The following ANKRD27 variants were observed in gnomAD, a reference collection of about 807,000 sequenced individuals.
ANKRD27 encodes ankyrin repeat domain 27.
A neutral mutation model predicts 129.7 loss-of-function variants in ANKRD27; 112 were observed. The ratio of observed to expected loss-of-function variants is 0.86; its 90% CI spans 0.74 to 1.01. The LOEUF (loss-of-function observed/expected upper bound fraction) is 1.01. ANKRD27 is among the 50% of genes least tolerant of loss of function. ANKRD27 has a pLI of 0.00. For missense variants in ANKRD27, 1,258 were observed against 1,300.5 expected, an observed-to-expected ratio of 0.97 and a Z score of 0.50; for synonymous variants, 516 against 511.2, an observed-to-expected ratio of 1.01 and a Z score of -0.13.
intron 27 of ANKRD27, 53 bp downstream of exon 27, chr19:32,599,919 T>G (rs1971625889): frequency 2.6e-6 from 4 of 1,548,030 alleles, no homozygotes; most frequent in Non-Finnish European, 3.6e-6. Context: ...TACGTGCAGC[T>G]TGGAGTAAAC....
chr19:32,601,079 A>T (rs1255845143), intron 26 of ANKRD27, among the ~76,000 whole-genome samples: 1 of 152,100 alleles, frequency 6.6e-6, no homozygotes, highest in East Asian at 1.9e-4. Context: ...AGGGCGGATC[A>T]CTTGAGGTCA....
intron 2 of ANKRD27, among the ~76,000 whole-genome samples, chr19:32,653,260 G>A (rs1327850938): frequency 2.6e-5 from 4 of 152,310 alleles, no homozygotes; most frequent in Admixed American, 2.6e-4. Flanking sequence ...TCGGATGAAA[G>A]TTAGTTCCTG....
intron 26 of ANKRD27, among the ~76,000 whole-genome samples, chr19:32,600,956 C>T (rs1971642684): frequency 6.6e-6 from 1 of 152,062 alleles, no homozygotes. Context: ...TGCTGTTCGG[C>T]AACTGCTGTT....
In ANKRD27 at chr19:32,628,704, C is replaced by T; in HGVS notation, c.1337+18G>A. On this transcript the variant is annotated intron_variant, in intron 14 of 28. Transcript: ENST00000306065. ...TCCTGCTTCCTGGCACTCTGAGCCT[C>T]CACCAGCACCCTCTTACCCAGAGAC... 6.2e-7 allele frequency: 1 copy of T among 1,613,458 alleles called. No homozygotes were observed. Among genetic ancestry groups the T allele is most frequent in the South Asian group, 1.1e-5 (1 of 91,052 alleles).
At chr19:32,673,366 G>A in intron 1 of ANKRD27, 2 of 985,286 alleles carry the variant, frequency 2.0e-6, no homozygotes, top group African/African-American at 1.7e-5. Flanking sequence ...TCCTGGATCT[G>A]CCCCCTGGAT....
intron 21 of ANKRD27, among the ~76,000 whole-genome samples, chr19:32,617,186 G>A (rs1394113226): frequency 6.6e-6 from 1 of 152,130 alleles, no homozygotes; most frequent in Non-Finnish European, 1.5e-5. Context: ...GCCCGAAACT[G>A]AACCGGAGAC....
At chr19:32,663,744 T>A (rs1191993887) in intron 1 of ANKRD27, among the ~76,000 whole-genome samples, 1 of 152,070 alleles carries the variant, frequency 6.6e-6, no homozygotes. Context: ...CATTTTAAAT[T>A]TTCTAGTAGC....
intron 13 of ANKRD27, among the ~76,000 whole-genome samples, chr19:32,629,844 CT>C (rs548494616): frequency 0.067 from 7,022 of 105,062 alleles, 456 homozygotes; most frequent in African/African-American, 0.2. Context: ...CTCTTGTGTT[CT>C]TTTTTTTTTT....
Position 32,635,814 on chromosome 19 carries a change from G to T in ANKRD27, c.1116+3542C>A, listed in dbSNP as rs1475091307. Among the ~76,000 whole-genome samples the T allele has an allele frequency of 2.6e-5, 4 of 152,152 alleles. No individual in the cohort carries two copies. In the South Asian group the frequency reaches 6.2e-4, roughly 24 times the overall value. On this transcript the variant is annotated intron_variant, in intron 12 of 28. Transcript: ENST00000306065. ...ACAAGTACCTGAATACTGTCAACGA[G>T]TACAGCGAGATCATGATCTAAAATT... is the stretch of plus-strand genomic sequence containing the variant.
At chr19:32,661,111 G>C (rs1967635374) in intron 1 of ANKRD27, among the ~76,000 whole-genome samples, 1 of 150,952 alleles carries the variant, frequency 6.6e-6, no homozygotes, top group Non-Finnish European at 1.5e-5. Flanking sequence ...TGGGGCAGGA[G>C]AATCACTTGA....
At chr19:32,606,939 CAAAAAAAAAAAAAAAAAAAA>C (rs532062312) in intron 23 of ANKRD27, among the ~76,000 whole-genome samples, 5 of 65,648 alleles carry the variant, frequency 7.6e-5, no homozygotes, top group East Asian at 5.8e-4. Context: ...CCCATCTCCA[CAAAAAAAAAAAAAAAAAAAA>C]AAAAAAAAAA....
intron 12 of ANKRD27, among the ~76,000 whole-genome samples, chr19:32,633,356 G>A (rs1189506494): frequency 2.1e-5 from 3 of 143,404 alleles, no homozygotes; most frequent in African/African-American, 7.7e-5. Context: ...TTTTTGAGAC[G>A]GGGTCTTGCT....
rs767480915 is a variant in ANKRD27 at position 32,628,100 on chromosome 19, T to A, written c.1403A>T (p.His468Leu). The change falls in exon 15 of 29, where the codon CAT (histidine) becomes CTT (leucine). Residue 468 changes from histidine (H) to leucine (L), a missense_variant. Coordinates refer to ENST00000306065, the MANE Select transcript of ANKRD27 (RefSeq NM_032139.3). ...CCACATACCACAGACAGCAGCCACA[T>A]GGAGAGGGGTGTGCCCCCTGTCGTC... ...SRDDRGHTPL[H>L]VAAVCGQASL... 5.0e-6 allele frequency: 8 copies of A among 1,614,100 alleles called. No homozygotes were observed. The highest frequency in any genetic ancestry group is 1.7e-5 in the Admixed American group (1 of 60,008).
At chr19:32,632,275 C>T (rs747849783) in intron 12 of ANKRD27, among the ~76,000 whole-genome samples, 1 of 150,944 alleles carries the variant, frequency 6.6e-6, no homozygotes, top group Non-Finnish European at 1.5e-5. Context: ...GGTGAGAGAG[C>T]GAGACTCCAT....
At chr19:32,600,583 T>C (rs1167102446) in intron 26 of ANKRD27, among the ~76,000 whole-genome samples, 2 of 152,128 alleles carry the variant, frequency 1.3e-5, no homozygotes, top group African/African-American at 2.4e-5. Context: ...ACTCTTTGAC[T>C]TCATGCTCAG....
chr19:32,617,510 G>GGGTGAT, intron 21 of ANKRD27, 79 bp downstream of exon 21: 1 of 667,280 alleles, frequency 1.5e-6, no homozygotes, highest in East Asian at 2.6e-5. Context: ...TCACGCCACT[G>GGGTGAT]CACTCCAGCC....
chr19:32,628,031 G>GCAC, intron 15 of ANKRD27, 52 bp downstream of exon 15: 1 of 1,557,482 alleles, frequency 6.4e-7, no homozygotes, highest in Non-Finnish European at 8.8e-7. Context: ...GTCACCTTGG[G>GCAC]CACCATCCCT....
intron 22 of ANKRD27, chr19:32,608,509 A>T (rs994238229): frequency 9.5e-4 from 205 of 215,358 alleles, no homozygotes; most frequent in South Asian, 2.0e-3. Flanking sequence ...TACCTCTTTA[A>T]AAAAAAAAAC....
At chr19:32,624,264 G>A (rs1972056419) in intron 17 of ANKRD27, among the ~76,000 whole-genome samples, 1 of 152,026 alleles carries the variant, frequency 6.6e-6, no homozygotes, top group Non-Finnish European at 1.5e-5. Context: ...CTACTCAGGA[G>A]GCTGAGGCAG....
Sources: allele counts gnomAD v4.1 joint callset (sites outside exome capture counted in the v4.1 genomes callset), GRCh38; gene constraint gnomAD v4.1.1; transcripts MANE v1.5; gene names NCBI Gene and HGNC (gene_info 2026-07-23, HGNC 2026-07-21).